The following STARD6 variants were observed in gnomAD, a reference collection of about 807,000 sequenced individuals.
STARD6 encodes StAR related lipid transfer domain containing 6, also known as stAR-related lipid transfer protein 6.
In STARD6, 21 loss-of-function variants were observed where a neutral mutation model predicts 22.3. The ratio of observed to expected loss-of-function variants is 0.94; its 90% CI spans 0.67 to 1.35. The LOEUF (loss-of-function observed/expected upper bound fraction) is 1.35, where lower values mean the gene tolerates loss of function less well. Ranked by LOEUF, STARD6 falls within the 40% of genes most tolerant of loss-of-function variation. STARD6 has a pLI of 0.00. For synonymous variants in STARD6, 80 were observed against 88.1 expected, an observed-to-expected ratio of 0.91 and a Z score of 0.52; for missense variants, 269 against 266.9, an observed-to-expected ratio of 1.01 and a Z score of -0.05.
chr18:54,333,267 G>A (rs1329691930), intron 5 of STARD6, among the ~76,000 whole-genome samples: 1 of 152,144 alleles, frequency 6.6e-6, no homozygotes, highest in Non-Finnish European at 1.5e-5. Flanking sequence ...GGCTAACACG[G>A]TGAAACTCTG....
chr18:54,353,834 A>C (rs2089119460), intron 4 of STARD6: 2 of 342,252 alleles, frequency 5.8e-6, no homozygotes, highest in Non-Finnish European at 1.0e-5. Context: ...AGTAATTAGA[A>C]GAGATTTTTT....
At chr18:54,343,433 CTG>C in intron 4 of STARD6, among the ~76,000 whole-genome samples, 1 of 137,560 alleles carries the variant, frequency 7.3e-6, no homozygotes, top group African/African-American at 2.8e-5. Context: ...GGTCAGCCCC[CTG>C]CCCGGCCAGC....
At position 54,329,457 on chromosome 18, in the gene STARD6, A is replaced by G. The variant is rs938989049; in HGVS notation, c.386-17T>C. On this transcript the variant is annotated splice_polypyrimidine_tract_variant and intron_variant, in intron 6 of 7. Coordinates refer to ENST00000307844, the MANE Select transcript of STARD6 (RefSeq NM_139171.2). ...CACTTTTAGCTAAGAGATTTTAAAA[A>G]ATTAAAATGAAACCTATTCACAAAG... 10 of 1,561,976 alleles carry G rather than the reference A, an allele frequency of 6.4e-6. No homozygotes were observed. Among genetic ancestry groups the G allele is most frequent in the Non-Finnish European group, 6.9e-6 (8 of 1,152,572 alleles).
At chr18:54,326,343 T>C (rs1159981243) in intron 7 of STARD6, among the ~76,000 whole-genome samples, 3 of 138,824 alleles carry the variant, frequency 2.2e-5, no homozygotes, top group African/African-American at 3.3e-5. Flanking sequence ...TTTTTTTTTT[T>C]TCTTTTGAGA....
intron 1 of STARD6, 56 bp downstream of exon 1, chr18:54,357,736 T>G (rs983197958): frequency 6.5e-6 from 1 of 152,742 alleles, no homozygotes; most frequent in Non-Finnish European, 1.5e-5. Flanking sequence ...GGCAGCGACT[T>G]GGATGCAGCC....
rs776599419 is a variant in STARD6 at position 54,324,732 on chromosome 18, G to C, written c.623C>G (p.Thr208Ser). The C allele has an allele frequency of 1.2e-6, 2 of 1,613,132 alleles. No homozygotes were observed. Among genetic ancestry groups the C allele is most frequent in the Admixed American group, 3.3e-5 (2 of 59,908 alleles). Residue 208 changes from threonine to serine, a missense_variant, in exon 8 of 8, where the codon ACT becomes AGT. By Grantham distance (58) the Thr-to-Ser change is moderately conservative (BLOSUM62 1). Coordinates refer to ENST00000307844, the MANE Select transcript of STARD6 (RefSeq NM_139171.2). ...ATGATGAAATCCACGTCTTGATGGA[G>C]TTCTGTGTGCCTTTATTCCATCTTT... is the stretch of plus-strand genomic sequence containing the variant. The part of the protein sequence containing the change: ...NAKDGIKAHR[T>S]PSRRGFHHNS...
intron 4 of STARD6, among the ~76,000 whole-genome samples, chr18:54,351,921 T>A (rs1050220886): frequency 1.8e-5 from 2 of 114,016 alleles, no homozygotes; most frequent in Admixed American, 9.3e-5. Flanking sequence ...TTTTTTTTTT[T>A]AATGTCCTTT....
intron 6 of STARD6, among the ~76,000 whole-genome samples, chr18:54,331,018 G>C (rs967713297): frequency 6.6e-6 from 1 of 151,960 alleles, no homozygotes; most frequent in Non-Finnish European, 1.5e-5. Flanking sequence ...AAGATATCTC[G>C]GAGGAACTGA....
chr18:54,342,464 C>CGTCTCCGTCTCCGT (rs1198406387), intron 4 of STARD6, among the ~76,000 whole-genome samples: 1 of 106,938 alleles, frequency 9.4e-6, no homozygotes, highest in Non-Finnish European at 1.9e-5. Context: ...TCTCCCTCTC[C>CGTCTCCGTCTCCGT]CTCCCTCTCC....
chr18:54,332,666 G>T (rs2077199390), intron 5 of STARD6, among the ~76,000 whole-genome samples: 1 of 152,168 alleles, frequency 6.6e-6, no homozygotes, highest in South Asian at 2.1e-4. Flanking sequence ...GTCCATTGGT[G>T]GGTATTATGT....
chr18:54,357,385 C>A (rs1386703099), intron 1 of STARD6, among the ~76,000 whole-genome samples: 2 of 152,160 alleles, frequency 1.3e-5, no homozygotes, highest in African/African-American at 4.8e-5. Context: ...ACTCGGGTCT[C>A]CAATCTCCCA....
At chr18:54,356,779 C>T (rs886241945) in intron 1 of STARD6, among the ~76,000 whole-genome samples, 1 of 152,284 alleles carries the variant, frequency 6.6e-6, no homozygotes, top group Admixed American at 6.5e-5. Context: ...CTCGTCTTAG[C>T]ATATAAAACA....
chr18:54,337,092 G>T (rs1224213195), intron 5 of STARD6, 33 bp downstream of exon 5: 1 of 1,569,512 alleles, frequency 6.4e-7, no homozygotes, highest in African/African-American at 1.4e-5. Context: ...ATATATTAAT[G>T]TTCTAGAAGT....
chr18:54,348,553 A>G (rs1350527601), intron 4 of STARD6, among the ~76,000 whole-genome samples: 2 of 152,134 alleles, frequency 1.3e-5, no homozygotes, highest in Non-Finnish European at 2.9e-5. Flanking sequence ...TGACTTGGAG[A>G]TAGTAACTTA....
At chr18:54,352,760 C>CT (rs2089109835) in intron 4 of STARD6, among the ~76,000 whole-genome samples, 1 of 152,144 alleles carries the variant, frequency 6.6e-6, no homozygotes, top group Non-Finnish European at 1.5e-5. Context: ...TTTAGAACAG[C>CT]TTAACAGAAC....
chr18:54,343,534 G>A (rs1451067495), intron 4 of STARD6, among the ~76,000 whole-genome samples: 22 of 74,780 alleles, frequency 2.9e-4, no homozygotes, highest in African/African-American at 1.1e-3. Context: ...CGCCCCGTCC[G>A]GGAGGGAGGT....
intron 7 of STARD6, among the ~76,000 whole-genome samples, chr18:54,327,572 G>C (rs966487304): frequency 1.3e-5 from 2 of 152,110 alleles, no homozygotes; most frequent in Non-Finnish European, 2.9e-5. Flanking sequence ...TACTGGATAC[G>C]TTTATAAGGA....
At chr18:54,344,583 T>TAAAAAAAAAAAAA (rs55736082) in intron 4 of STARD6, among the ~76,000 whole-genome samples, 18 of 94,054 alleles carry the variant, frequency 1.9e-4, no homozygotes, top group Middle Eastern at 6.8e-3. Context: ...AAAAATAAAT[T>TAAAAAAAAAAAAA]AAAAAAAAAA....
intron 7 of STARD6, among the ~76,000 whole-genome samples, chr18:54,327,213 A>C (rs2088831518): frequency 6.6e-6 from 1 of 152,190 alleles, no homozygotes; most frequent in East Asian, 1.9e-4. Flanking sequence ...AACAGTTTGC[A>C]TTATGTTTAA....
Sources: gnomAD v4.1 joint callset for allele counts (sites outside exome capture counted in the v4.1 genomes callset) on GRCh38, gnomAD v4.1.1 for gene constraint, MANE v1.5 for transcripts, NCBI Gene and HGNC (gene_info 2026-07-23, HGNC 2026-07-21) for gene names.